PTPRD: variants seen among roughly 807,000 people sequenced by gnomAD.
The protein encoded by PTPRD is receptor-type tyrosine-protein phosphatase delta.
PTPRD carries 34 observed loss-of-function variants against 214.5 expected under a neutral mutation model. The ratio of observed to expected loss-of-function variants is 0.16; its 90% CI spans 0.12 to 0.21. The LOEUF is 0.21. PTPRD is among the 10% of genes least tolerant of loss of function. The pLI is 1.00. For synonymous variants in PTPRD, 1,128 were observed against 845.7 expected (o/e 1.33, Z -5.79); for missense variants, 2,545 against 2,398.7 (o/e 1.06, Z -1.27).
At chr9:10,311,616 C>T (rs953567758) in intron 3 of PTPRD, among the ~76,000 whole-genome samples, 2 of 152,054 alleles carry the variant, frequency 1.3e-5, no homozygotes, top group African/African-American at 4.8e-5. Context: ...GGGCACCAAG[C>T]TGTTGTGAGA....
intron 11 of PTPRD, among the ~76,000 whole-genome samples, chr9:8,911,193 T>G (rs1015580498): frequency 6.6e-6 from 1 of 152,224 alleles, no homozygotes; most frequent in Non-Finnish European, 1.5e-5. Flanking sequence ...AGGATTTTCA[T>G]TATTGATTTA....
In PTPRD at chr9:9,269,826, G is replaced by A. The variant is rs1428958115; in HGVS notation, c.-202-86463C>T. On this transcript the variant is annotated intron_variant, in intron 9 of 45. Transcript: ENST00000381196. Reference sequence around the variant, plus strand: ...AAAAGATAACTAATAGGAACAGAGAGTAGAAGGATGGTAACCTGAGGTTGG... The same window carrying A: ...AAAAGATAACTAATAGGAACAGAGAATAGAAGGATGGTAACCTGAGGTTGG... Among the ~76,000 whole-genome samples, 8 of 151,422 alleles carry A rather than the reference G, an allele frequency of 5.3e-5. No homozygotes were observed. In the East Asian group the frequency reaches 5.9e-4, roughly 11 times the overall value.
At chr9:8,938,418 A>G (rs1311094240) in intron 11 of PTPRD, among the ~76,000 whole-genome samples, 2 of 152,204 alleles carry the variant, frequency 1.3e-5, no homozygotes, top group Non-Finnish European at 2.9e-5. Context: ...TAATCACATA[A>G]TAAATATAGC....
At chr9:9,977,072 T>C (rs1474012018) in intron 4 of PTPRD, among the ~76,000 whole-genome samples, 3 of 152,108 alleles carry the variant, frequency 2.0e-5, no homozygotes, top group Non-Finnish European at 2.9e-5. Flanking sequence ...AAACAAACAA[T>C]ATATAAAATT....
intron 11 of PTPRD, among the ~76,000 whole-genome samples, chr9:8,852,998 G>A (rs184709295): frequency 4.6e-5 from 7 of 152,182 alleles, no homozygotes; most frequent in Admixed American, 1.3e-4. Context: ...GATGTAATAC[G>A]TAAAGTACAT....
intron 11 of PTPRD, among the ~76,000 whole-genome samples, chr9:8,736,908 CTCCCCAT>C (rs1194378126): frequency 6.6e-6 from 1 of 152,200 alleles, no homozygotes; most frequent in African/African-American, 2.4e-5. Context: ...CAGCTCTCCC[CTCCCCAT>C]TCCCCTCCTC....
chr9:10,279,743 T>G (rs953950848), intron 3 of PTPRD, among the ~76,000 whole-genome samples: 1 of 150,960 alleles, frequency 6.6e-6, no homozygotes, highest in Non-Finnish European at 1.5e-5. Context: ...TGAGCGACAG[T>G]TAAAATGTCA....
chr9:8,594,574 T>C (rs1165226678), intron 14 of PTPRD, among the ~76,000 whole-genome samples: 3 of 152,092 alleles, frequency 2.0e-5, no homozygotes, highest in East Asian at 3.9e-4. Flanking sequence ...TGGGAGGTGA[T>C]TGGATCATGG....
chr9:8,942,965 T>C (rs1462991258), intron 11 of PTPRD, among the ~76,000 whole-genome samples: 1 of 152,068 alleles, frequency 6.6e-6, no homozygotes, highest in African/African-American at 2.4e-5. Context: ...AAAATCAACA[T>C]GCAAAAATTA....
chr9:10,459,966 T>A (rs921449617), intron 2 of PTPRD, among the ~76,000 whole-genome samples: 1 of 152,106 alleles, frequency 6.6e-6, no homozygotes, highest in Non-Finnish European at 1.5e-5. Context: ...ACATAAAACT[T>A]CCTATTTTAA....
At chr9:9,814,308 G>GAAAAAAA (rs34297202) in intron 5 of PTPRD, among the ~76,000 whole-genome samples, 2 of 142,600 alleles carry the variant, frequency 1.4e-5, no homozygotes. Flanking sequence ...AGGTAAGAAA[G>GAAAAAAA]AAAAAAAAAA....
At chr9:8,368,216 T>C (rs566345162) in intron 39 of PTPRD, among the ~76,000 whole-genome samples, 1 of 152,318 alleles carries the variant, frequency 6.6e-6, no homozygotes. Context: ...TTCCGCTTAC[T>C]AGTTAAGTAC....
chr9:9,101,874 A>C (rs1591640716), intron 10 of PTPRD, among the ~76,000 whole-genome samples: 2 of 152,346 alleles, frequency 1.3e-5, no homozygotes, highest in East Asian at 1.9e-4. Context: ...GGATTACTTA[A>C]AATTTTAATC....
At chr9:9,025,277 C>T (rs1009228028) in intron 10 of PTPRD, among the ~76,000 whole-genome samples, 3 of 151,986 alleles carry the variant, frequency 2.0e-5, no homozygotes, top group African/African-American at 7.2e-5. Flanking sequence ...AAGATTAAGA[C>T]AAGAGCCAGT....
At chr9:8,491,468 A>G (rs1373379897) in intron 27 of PTPRD, among the ~76,000 whole-genome samples, 1 of 152,136 alleles carries the variant, frequency 6.6e-6, no homozygotes, top group African/African-American at 2.4e-5. Flanking sequence ...AAAACATTTC[A>G]GAGTTATTAT....
intron 14 of PTPRD, among the ~76,000 whole-genome samples, chr9:8,576,631 C>A (rs202006075): frequency 4.6e-3 from 529 of 115,752 alleles, no homozygotes; most frequent in Non-Finnish European, 5.1e-3. Flanking sequence ...GCTAATGCAG[C>A]AAAAAAAAAA....
intron 11 of PTPRD, among the ~76,000 whole-genome samples, chr9:9,017,032 T>G (rs1223157168): frequency 6.6e-6 from 1 of 152,026 alleles, no homozygotes; most frequent in Non-Finnish European, 1.5e-5. Flanking sequence ...GGTGGCCTAG[T>G]AGTGATGTGT....
chr9:8,944,721 T>C (rs974575771), intron 11 of PTPRD, among the ~76,000 whole-genome samples: 6 of 152,030 alleles, frequency 3.9e-5, no homozygotes, highest in African/African-American at 1.4e-4. Context: ...TTCATGGAGA[T>C]AGGATGACGG....
chr9:8,326,938 T>A (rs1246293642), intron 44 of PTPRD, among the ~76,000 whole-genome samples: 1 of 147,508 alleles, frequency 6.8e-6, no homozygotes, highest in African/African-American at 2.5e-5. Context: ...TCTGTTTGAG[T>A]CTTCTGTCTT....
Sources: allele counts gnomAD v4.1 joint callset (sites outside exome capture counted in the v4.1 genomes callset), GRCh38; gene constraint gnomAD v4.1.1; transcripts MANE v1.5; gene names NCBI Gene and HGNC (gene_info 2026-07-23, HGNC 2026-07-21).